PTPRT: variants seen among roughly 807,000 people sequenced by gnomAD.
The protein encoded by PTPRT is protein tyrosine phosphatase receptor type T.
In PTPRT, 56 loss-of-function variants were observed where a neutral mutation model predicts 176.8. That is an observed-to-expected ratio of 0.32 (90% CI 0.26 to 0.40). The LOEUF (loss-of-function observed/expected upper bound fraction) is 0.40. Ranked by LOEUF, PTPRT falls within the 10% of genes least tolerant of loss-of-function variation. PTPRT has a pLI of 1.00. For synonymous variants in PTPRT, 783 were observed against 739.0 expected, an observed-to-expected ratio of 1.06 and a Z score of -0.96; for missense variants, 1,540 against 1,908.2, an observed-to-expected ratio of 0.81 and a Z score of 3.60.
At chr20:42,881,724 C>CAAAA (rs112191705) in intron 2 of PTPRT, among the ~76,000 whole-genome samples, 38 of 36,662 alleles carry the variant, frequency 1.0e-3, no homozygotes, top group Non-Finnish European at 1.7e-3. Flanking sequence ...CACTCTGTCT[C>CAAAA]AAAAAAAAAA....
At chr20:42,266,135 C>G (rs1049950617) in intron 13 of PTPRT, among the ~76,000 whole-genome samples, 5 of 152,112 alleles carry the variant, frequency 3.3e-5, no homozygotes, top group Admixed American at 2.0e-4. Context: ...TGTACAGGGA[C>G]TCAACTGTAC....
intron 7 of PTPRT, among the ~76,000 whole-genome samples, chr20:42,552,912 A>G (rs1036807437): frequency 2.9e-4 from 44 of 152,316 alleles, no homozygotes; most frequent in African/African-American, 9.1e-4. Flanking sequence ...GTTTTTATTC[A>G]TTAAAATGAA....
intron 2 of PTPRT, among the ~76,000 whole-genome samples, chr20:42,841,535 A>G (rs892409042): frequency 2.6e-5 from 4 of 151,668 alleles, no homozygotes; most frequent in Non-Finnish European, 4.4e-5. Context: ...AATTCATACC[A>G]TGGGAGACAA....
the PTPRT span, among the ~76,000 whole-genome samples, chr20:42,052,143 C>A: frequency 6.6e-6 from 1 of 152,230 alleles, no homozygotes. Flanking sequence ...CCAGACTTGG[C>A]ACAGACAGAC....
chr20:42,875,494 TG>T (rs2078915548), intron 2 of PTPRT, among the ~76,000 whole-genome samples: 1 of 152,224 alleles, frequency 6.6e-6, no homozygotes, highest in South Asian at 2.1e-4. Flanking sequence ...TGAGATGTTT[TG>T]TAAGAACTTT....
intron 1 of PTPRT, among the ~76,000 whole-genome samples, chr20:43,000,520 A>G (rs2146128137): frequency 6.6e-6 from 1 of 152,350 alleles, no homozygotes; most frequent in East Asian, 1.9e-4. Flanking sequence ...AATCTAAAAT[A>G]TGAAATTATA....
At chr20:42,503,584 ATTGATTT>A (rs1340632461) in intron 7 of PTPRT, among the ~76,000 whole-genome samples, 1 of 151,820 alleles carries the variant, frequency 6.6e-6, no homozygotes, top group African/African-American at 2.4e-5. Context: ...TGCTTTATTG[ATTGATTT>A]TTGATTTTTG....
At chr20:42,574,190 T>TA (rs1401323008) in intron 7 of PTPRT, among the ~76,000 whole-genome samples, 4 of 151,904 alleles carry the variant, frequency 2.6e-5, no homozygotes, top group African/African-American at 9.7e-5. Flanking sequence ...GTATTTTATT[T>TA]AAAACACTCA....
At chr20:42,931,474 C>T (rs937028495) in intron 1 of PTPRT, among the ~76,000 whole-genome samples, 1 of 152,178 alleles carries the variant, frequency 6.6e-6, no homozygotes, top group Non-Finnish European at 1.5e-5. Context: ...GTCATGACAG[C>T]ACAAGGTGGG....
chr20:42,855,186 A>G (rs566601339), intron 2 of PTPRT, among the ~76,000 whole-genome samples: 3 of 152,316 alleles, frequency 2.0e-5, no homozygotes, highest in African/African-American at 7.2e-5. Flanking sequence ...GCTATGAAAG[A>G]GTGTATTTAT....
At chr20:42,369,296 G>A (rs939439214) in intron 9 of PTPRT, among the ~76,000 whole-genome samples, 1 of 152,112 alleles carries the variant, frequency 6.6e-6, no homozygotes, top group Non-Finnish European at 1.5e-5. Context: ...AACATTCTAG[G>A]GGCCCAGATT....
At position 43,008,228 on chromosome 20, in the gene PTPRT, T is replaced by C. The variant is rs181690774; in HGVS notation, c.89-122296A>G. 9.5e-4 allele frequency among the ~76,000 whole-genome samples: 144 copies of C among 152,186 alleles called. 1 individual carries two copies. The highest frequency in any genetic ancestry group is 5.8e-3 in the South Asian group (28 of 4,814). ...ATAATGAAAGTGAAGTTCTCATGAA[T>C]AGGATTCATGAATAGGATTAGTGTC... is the stretch of plus-strand genomic sequence containing the variant. On this transcript the variant is annotated intron_variant, in intron 1 of 30. Transcript: ENST00000373187.
intron 4 of PTPRT, among the ~76,000 whole-genome samples, chr20:42,774,802 C>T (rs2077110886): frequency 6.6e-6 from 1 of 152,206 alleles, no homozygotes; most frequent in Non-Finnish European, 1.5e-5. Context: ...ACCCTTGTCT[C>T]TGCTCCTTGG....
In PTPRT at chr20:42,106,938, G is replaced by T. The variant is rs7508773; in HGVS notation, c.3255-17C>A. The T allele has an allele frequency of 1.9e-6, 3 of 1,613,266 alleles. No homozygotes were observed. The highest frequency in any genetic ancestry group is 2.5e-6 in the Non-Finnish European group (3 of 1,179,552). The stretch of plus-strand genomic sequence containing the variant: ...GCCCCAGCACTGGAAGAGAGGTATG[G>T]TCTGTGTTAAGGATCTTCATGGGGG... On this transcript the variant is annotated splice_polypyrimidine_tract_variant and intron_variant, in intron 23 of 30. Coordinates refer to ENST00000373187, the MANE Select transcript of PTPRT (RefSeq NM_007050.6).
chr20:42,273,422 C>T (rs1029661014), intron 13 of PTPRT, among the ~76,000 whole-genome samples: 4 of 152,116 alleles, frequency 2.6e-5, no homozygotes, highest in Non-Finnish European at 5.9e-5. Context: ...TTCTTGTTGG[C>T]CAGGCTATTC....
At chr20:42,953,597 C>T (rs1981405766) in intron 1 of PTPRT, among the ~76,000 whole-genome samples, 1 of 152,136 alleles carries the variant, frequency 6.6e-6, no homozygotes, top group Admixed American at 6.5e-5. Context: ...AGAATAGAGT[C>T]TATCACACTC....
chr20:42,849,732 G>A lies in PTPRT; in HGVS notation c.214+36075C>T, dbSNP rs575269781. Among the ~76,000 whole-genome samples the A allele has an allele frequency of 5.9e-5, 9 of 152,196 alleles. No individual in the cohort carries two copies. The South Asian group carries it at 6.2e-4, about 11-fold the overall frequency. On this transcript the variant is annotated intron_variant, in intron 2 of 30. Transcript: ENST00000373187. ...TCAGAGAATAATCTCTAACTCACAC[G>A]ATCACTCTAGGGATTACATGAGACG...
intron 7 of PTPRT, among the ~76,000 whole-genome samples, chr20:42,539,115 T>C (rs1259671458): frequency 1.3e-5 from 2 of 152,166 alleles, no homozygotes; most frequent in African/African-American, 4.8e-5. Flanking sequence ...TTCTTAATAC[T>C]GGATCTTCAG....
At chr20:42,599,887 T>A (rs2073745061) in intron 7 of PTPRT, among the ~76,000 whole-genome samples, 1 of 152,088 alleles carries the variant, frequency 6.6e-6, no homozygotes, top group South Asian at 2.1e-4. Flanking sequence ...TCAAATTATC[T>A]GCAAAATGGT....
Sources: gnomAD v4.1 joint callset for allele counts (sites outside exome capture counted in the v4.1 genomes callset) on GRCh38, gnomAD v4.1.1 for gene constraint, MANE v1.5 for transcripts, NCBI Gene and HGNC (gene_info 2026-07-23, HGNC 2026-07-21) for gene names.